ASAP3: variants seen among roughly 807,000 people sequenced by gnomAD.
ASAP3 encodes the protein ArfGAP with SH3 domain, ankyrin repeat and PH domain 3.
A neutral mutation model predicts 118.2 loss-of-function variants in ASAP3; 85 were observed. That is an observed-to-expected ratio of 0.72 (90% CI 0.60 to 0.86). ASAP3 has a LOEUF of 0.86. Ranked by LOEUF, ASAP3 falls within the 40% of genes least tolerant of loss-of-function variation. The pLI, the probability that ASAP3 is intolerant of heterozygous loss-of-function variation, is 0.00. For missense variants in ASAP3, 1,026 were observed against 1,175.0 expected (o/e 0.87, Z 1.85); for synonymous variants, 432 against 477.4 (o/e 0.90, Z 1.24).
In ASAP3 at chr1:23,436,848, C is replaced by G. The variant is rs1057047944; in HGVS notation, c.1476+63G>C. ...CCACCCACAACCTGCAAGCCCCGCC[C>G]CCGGATGAAACTACACCCCTAACTC... On this transcript the variant is annotated intron_variant, in intron 15 of 24. Coordinates refer to ENST00000336689, the MANE Select transcript of ASAP3 (RefSeq NM_017707.4). This position sits in a 1 kb window ranked among gnomAD's most constrained non-coding sequence, Gnocchi z 4.2. 1.3e-6 allele frequency: 2 copies of G among 1,578,580 alleles called. No individual in the cohort carries two copies. The highest frequency in any genetic ancestry group is 2.3e-5 in the East Asian group (1 of 44,428).
chr1:23,438,635 C>T lies in ASAP3; in HGVS notation c.1102+112G>A, dbSNP rs1261762620. On this transcript the variant is annotated intron_variant, in intron 12 of 24. Transcript: ENST00000336689. The surrounding 1 kb of genome is among the most constrained non-coding windows in gnomAD (Gnocchi z 4.9). ...TGTCTGCAGTAGCAGCAATTCGACA[C>T]CATGTGTGGAACTGGACACAGACCC... The T allele has an allele frequency of 7.0e-6, 6 of 859,360 alleles. No homozygotes were observed. The highest frequency in any genetic ancestry group is 4.6e-5 in the Admixed American group (2 of 43,146). 53.2% of individuals were successfully genotyped at this position (859,360 alleles called of 1,614,324 possible).
In ASAP3 at chr1:23,438,721, G is replaced by C. The variant is rs78903526; in HGVS notation, c.1102+26C>G. ...AGAGAAGCCCTGAGCAGCTGTGGGT[G>C]GGGGAGAGGCACAGGGACCACTCAC... On this transcript the variant is annotated intron_variant, in intron 12 of 24. Transcript: ENST00000336689. The surrounding 1 kb of genome is among the most constrained non-coding windows in gnomAD (Gnocchi z 4.9). The C allele has an allele frequency of 1.9e-6, 3 of 1,607,578 alleles. No homozygotes were observed. Among genetic ancestry groups the C allele is most frequent in the Non-Finnish European group, 2.6e-6 (3 of 1,174,252 alleles).
Position 23,433,491 on chromosome 1 carries a change from A to C in ASAP3, c.2061T>G (p.His687Gln), listed in dbSNP as rs1413973552. The change falls in exon 21 of 25, where the codon CAT becomes CAG. Residue 687 changes from histidine (H) to glutamine (Q), a missense_variant. Coordinates refer to ENST00000336689, the MANE Select transcript of ASAP3 (RefSeq NM_017707.4). ...TGGAAATTACCCAGGAGTAGTCCAC[A>C]TGTAGAGGGAAGGCAAAGGTCCCCG... ...AQAGTFAFPL[H>Q]VDYSWVISTE... The C allele has an allele frequency of 1.2e-6, 2 of 1,614,180 alleles. No homozygotes were observed. Among genetic ancestry groups the C allele is most frequent in the Non-Finnish European group, 1.7e-6 (2 of 1,180,034 alleles).
At chr1:23,453,682 G>A (rs1641295757) in intron 3 of ASAP3, among the ~76,000 whole-genome samples, 1 of 152,134 alleles carries the variant, frequency 6.6e-6, no homozygotes, top group Non-Finnish European at 1.5e-5. Context: ...GGTACAGCTT[G>A]GGTCTCTCCT....
chr1:23,431,237 G>A (rs1640421302), intron 23 of ASAP3, 112 bp from the exon 24 acceptor site: 1 of 1,105,346 alleles, frequency 9.0e-7, no homozygotes, highest in Admixed American at 2.1e-5. Context: ...GGTGGGTAGA[G>A]TCCACAAGGC....
chr1:23,444,959 T>C (rs1293040824), intron 5 of ASAP3, among the ~76,000 whole-genome samples: 2 of 116,564 alleles, frequency 1.7e-5, no homozygotes, highest in Non-Finnish European at 3.8e-5. Flanking sequence ...GCAGGCTCTG[T>C]AGGCTTTTTT....
intron 22 of ASAP3, among the ~76,000 whole-genome samples, chr1:23,432,164 A>G (rs1477984790): frequency 6.6e-6 from 1 of 151,754 alleles, no homozygotes; most frequent in East Asian, 1.9e-4. Flanking sequence ...ATGCCACCAC[A>G]CCTGGCTAAT....
In ASAP3 at chr1:23,451,452, C is replaced by T. The variant is rs371861243; in HGVS notation, c.473+27G>A. The T allele has an allele frequency of 5.0e-6, 8 of 1,610,722 alleles. No individual in the cohort carries two copies. The African/African-American group carries it at 9.4e-5, about 19-fold the overall frequency. ...CCAGCCTAAGTGCTACTCTCCCAGA[C>T]AAACGACCCTGGCTGTGGCCACTTA... On this transcript the variant is annotated intron_variant, in intron 5 of 24. Transcript: ENST00000336689.
intron 1 of ASAP3, among the ~76,000 whole-genome samples, chr1:23,467,225 T>G (rs1641804085): frequency 6.6e-6 from 1 of 151,378 alleles, no homozygotes; most frequent in Admixed American, 6.6e-5. Context: ...AATGGAGTCT[T>G]GCTCTGTTGC....
chr1:23,449,608 T>C (rs994127864), intron 5 of ASAP3, among the ~76,000 whole-genome samples: 1 of 151,772 alleles, frequency 6.6e-6, no homozygotes, highest in African/African-American at 2.4e-5. Context: ...TGAAAAGGAG[T>C]GTACAGTCAC....
chr1:23,468,976 C>T (rs1375410792), intron 1 of ASAP3, among the ~76,000 whole-genome samples: 1 of 150,640 alleles, frequency 6.6e-6, no homozygotes, highest in East Asian at 1.9e-4. Flanking sequence ...AAAAAAAACC[C>T]AGGGCTTCTC....
At position 23,431,247 on chromosome 1, in the gene ASAP3, C is replaced by G. The variant is rs991924511; in HGVS notation, c.2547-122G>C. 3.1e-5 allele frequency: 30 copies of G among 979,592 alleles called. No homozygotes were observed. The Admixed American group carries it at 6.3e-4, about 21-fold the overall frequency. The allele number at this position is 979,592 out of a possible 1,614,324, so 60.7% of individuals were successfully genotyped here. A position where few individuals can be genotyped will look rare whatever the true frequency, so the allele number is the denominator to read the frequency against. On this transcript the variant is annotated intron_variant, in intron 23 of 24. Transcript: ENST00000336689. Reference sequence around the variant, plus strand: ...GGATGGGTGGGTAGAGTCCACAAGGCCCCCAGGCCAGGTCCATCACAGGCC... The same window carrying G: ...GGATGGGTGGGTAGAGTCCACAAGGGCCCCAGGCCAGGTCCATCACAGGCC...
chr1:23,436,791 C>G lies in ASAP3; in HGVS notation c.1476+120G>C. On this transcript the variant is annotated intron_variant, in intron 15 of 24. Transcript: ENST00000336689. The surrounding 1 kb of genome is among the most constrained non-coding windows in gnomAD (Gnocchi z 4.2). ...AGGCCCCGCCCCTGACCACCCGCTA[C>G]CTGGCTTGTCCCAGCCCACCTCGGC... 6.6e-7 allele frequency: 1 copy of G among 1,524,576 alleles called. No individual in the cohort carries two copies. The highest frequency in any genetic ancestry group is 8.9e-7 in the Non-Finnish European group (1 of 1,127,114). 94.4% of individuals were successfully genotyped at this position (1,524,576 alleles called of 1,614,324 possible). A position where few individuals can be genotyped will look rare whatever the true frequency, so the allele number is the denominator to read the frequency against.
chr1:23,445,450 C>T (rs955297453), intron 5 of ASAP3, among the ~76,000 whole-genome samples: 1 of 151,672 alleles, frequency 6.6e-6, no homozygotes, highest in African/African-American at 2.4e-5. Flanking sequence ...GTGATTGTGC[C>T]ACTGCACTCC....
intron 17 of ASAP3, 118 bp from the exon 18 acceptor site, chr1:23,434,736 T>TA: frequency 1.1e-6 from 1 of 928,340 alleles, no homozygotes; most frequent in Non-Finnish European, 1.7e-6. Flanking sequence ...GCCAGAACCC[T>TA]GGAGAGATGA....
Position 23,431,100 on chromosome 1 carries a change from G to A in ASAP3, c.2572C>T (p.Arg858Trp), listed in dbSNP as rs143495247. 1.2e-5 allele frequency: 19 copies of A among 1,571,164 alleles called. No individual in the cohort carries two copies. The highest frequency in any genetic ancestry group is 2.3e-5 in the East Asian group (1 of 42,826). ...CCATCTTCAGGGCTCCGCGCCCCCCGCCGATAGGAGCGAGTGCTCTCGGAG... is the reference window on the plus strand; with the variant it reads ...CCATCTTCAGGGCTCCGCGCCCCCCACCGATAGGAGCGAGTGCTCTCGGAG... Reference protein sequence around the residue: ...FSSESTRSYRRGARSPEDGPS... With the variant: ...FSSESTRSYRWGARSPEDGPS... The change falls in exon 24 of 25, where the codon CGG (arginine) becomes TGG (tryptophan). Residue 858 changes from arginine (R) to tryptophan (W), a missense_variant. Arg to Trp is a moderately radical substitution (Grantham distance 101, BLOSUM62 -3). Transcript: ENST00000336689.
intron 5 of ASAP3, among the ~76,000 whole-genome samples, chr1:23,444,075 G>A (rs1640967266): frequency 6.6e-6 from 1 of 152,060 alleles, no homozygotes; most frequent in African/African-American, 2.4e-5. Context: ...CACCATGTTG[G>A]CCAGGCTGGT....
chr1:23,470,245 C>T (rs1256347162), intron 1 of ASAP3, among the ~76,000 whole-genome samples: 1 of 152,224 alleles, frequency 6.6e-6, no homozygotes, highest in Admixed American at 6.5e-5. Context: ...TGAGGTTAGT[C>T]ATACCCTACA....
At chr1:23,467,888 G>T (rs1641825661) in intron 1 of ASAP3, among the ~76,000 whole-genome samples, 1 of 149,018 alleles carries the variant, frequency 6.7e-6, no homozygotes, top group Non-Finnish European at 1.5e-5. Context: ...GGAGGCAGAG[G>T]TTGCAGTGAG....
Sources: gnomAD v4.1 joint callset for allele counts (sites outside exome capture counted in the v4.1 genomes callset) on GRCh38, gnomAD v4.1.1 for gene constraint, Gnocchi (gnomAD v3.1) non-coding constraint, MANE v1.5 for transcripts, NCBI Gene and HGNC (gene_info 2026-07-23, HGNC 2026-07-21) for gene names.